The following STIM2 variants were observed in gnomAD, a reference collection of about 807,000 sequenced individuals.
The protein encoded by STIM2 is stromal interaction molecule 2.
STIM2 carries 31 observed loss-of-function variants against 85.8 expected under a neutral mutation model. That is an observed-to-expected ratio of 0.36 (90% confidence interval 0.27 to 0.49). The LOEUF (loss-of-function observed/expected upper bound fraction) is 0.49. Ranked by LOEUF, STIM2 falls within the 20% of genes least tolerant of loss-of-function variation. STIM2 has a pLI of 0.98. For synonymous variants in STIM2, 356 were observed against 331.1 expected (o/e 1.08, Z -0.82); for missense variants, 841 against 927.6 (o/e 0.91, Z 1.21).
intron 2 of STIM2, among the ~76,000 whole-genome samples, chr4:26,952,115 G>C (rs1445419474): frequency 6.6e-6 from 1 of 152,094 alleles, no homozygotes; most frequent in South Asian, 2.1e-4. Context: ...CTCCCACCGG[G>C]TCCCTCCCAC....
chr4:27,000,896 G>A (rs1728129227), intron 5 of STIM2, among the ~76,000 whole-genome samples: 1 of 151,596 alleles, frequency 6.6e-6, no homozygotes, highest in South Asian at 2.1e-4. Flanking sequence ...TGTTATTTAT[G>A]GTCAGAGAAT....
chr4:27,006,724 C>A (rs1348315011), intron 7 of STIM2, among the ~76,000 whole-genome samples: 2 of 152,096 alleles, frequency 1.3e-5, no homozygotes, highest in Non-Finnish European at 2.9e-5. Flanking sequence ...TATTGTCTGG[C>A]TCCATTAAAG....
chr4:26,923,279 A>C (rs1424000488), intron 2 of STIM2, among the ~76,000 whole-genome samples: 2 of 151,496 alleles, frequency 1.3e-5, no homozygotes, highest in African/African-American at 4.9e-5. Flanking sequence ...ATGGGGAAAA[A>C]ACAGAACAGA....
intron 3 of STIM2, among the ~76,000 whole-genome samples, chr4:26,966,625 C>T (rs1726730860): frequency 6.6e-6 from 1 of 151,910 alleles, no homozygotes; most frequent in Non-Finnish European, 1.5e-5. Context: ...TAAAACTTTC[C>T]AAGGTATTAG....
At chr4:26,892,518 T>C (rs748625856) in intron 1 of STIM2, among the ~76,000 whole-genome samples, 15 of 152,162 alleles carry the variant, frequency 9.9e-5, no homozygotes, top group Non-Finnish European at 1.6e-4. Context: ...TTTTAACATA[T>C]GAATTTTTTT....
Position 26,960,844 on chromosome 4 carries a change from A to G in STIM2, c.397+3118A>G, listed in dbSNP as rs150965436. Among the ~76,000 whole-genome samples the G allele has an allele frequency of 5.4e-3, 820 of 152,122 alleles. 9 individuals carry two copies. The highest frequency in any genetic ancestry group is 0.019 in the African/African-American group (778 of 41,500). Reference sequence around the variant, plus strand: ...TCTGGGAGGCCTAGGCGAGCAGAGCACCTGAGGTCAGGAGTTCAAGACCAG... The same window carrying G: ...TCTGGGAGGCCTAGGCGAGCAGAGCGCCTGAGGTCAGGAGTTCAAGACCAG... On this transcript the variant is annotated intron_variant, in intron 3 of 11. Transcript: ENST00000467087.
At chr4:27,014,247 A>C (rs1728657320) in intron 10 of STIM2, among the ~76,000 whole-genome samples, 1 of 151,556 alleles carries the variant, frequency 6.6e-6, no homozygotes, top group African/African-American at 2.4e-5. Flanking sequence ...TATTGTTTTA[A>C]TATTTATACA....
chr4:26,946,630 T>A (rs530275252), intron 2 of STIM2, among the ~76,000 whole-genome samples: 1 of 152,344 alleles, frequency 6.6e-6, no homozygotes, highest in East Asian at 1.9e-4. Flanking sequence ...CTGTGCACTC[T>A]TTTTTTCTGA....
At chr4:26,917,923 C>T (rs1469094839) in intron 1 of STIM2, among the ~76,000 whole-genome samples, 4 of 152,196 alleles carry the variant, frequency 2.6e-5, no homozygotes, top group Non-Finnish European at 5.9e-5. Flanking sequence ...TCCAAACTTA[C>T]GGGCACATCA....
chr4:26,920,307 C>T (rs1022419507), intron 2 of STIM2, among the ~76,000 whole-genome samples: 12 of 152,248 alleles, frequency 7.9e-5, no homozygotes, highest in Admixed American at 6.5e-4. Context: ...GAAGAAGATT[C>T]TACAAAGATA....
intron 2 of STIM2, among the ~76,000 whole-genome samples, chr4:26,930,996 G>T (rs1166102113): frequency 6.6e-6 from 1 of 152,052 alleles, no homozygotes; most frequent in East Asian, 1.9e-4. Context: ...AGCTGGGGTT[G>T]TGTCATCTCA....
At chr4:26,986,927 A>G (rs1302006688) in intron 3 of STIM2, among the ~76,000 whole-genome samples, 1 of 152,254 alleles carries the variant, frequency 6.6e-6, no homozygotes, top group Non-Finnish European at 1.5e-5. Context: ...AGCAGCTTGC[A>G]GTATAGCAGG....
chr4:27,014,126 C>T (rs1728651620), intron 10 of STIM2, among the ~76,000 whole-genome samples: 1 of 151,912 alleles, frequency 6.6e-6, no homozygotes, highest in Non-Finnish European at 1.5e-5. Context: ...CTTTATCAGG[C>T]TGACAGTTTG....
At chr4:26,946,629 CTTTT>C (rs1038951591) in intron 2 of STIM2, among the ~76,000 whole-genome samples, 2 of 152,214 alleles carry the variant, frequency 1.3e-5, no homozygotes, top group Non-Finnish European at 2.9e-5. Context: ...TCTGTGCACT[CTTTT>C]TTTCTGACTT....
chr4:26,931,237 A>G (rs1158376394), intron 2 of STIM2, among the ~76,000 whole-genome samples: 2 of 152,072 alleles, frequency 1.3e-5, no homozygotes, highest in Non-Finnish European at 2.9e-5. Flanking sequence ...TCTTTTTGTG[A>G]CTAATGCTGG....
chr4:26,961,690 G>T (rs889493881), intron 3 of STIM2, among the ~76,000 whole-genome samples: 7 of 152,132 alleles, frequency 4.6e-5, no homozygotes, highest in African/African-American at 1.7e-4. Context: ...TACACAGAAG[G>T]TGGTGTTCGG....
At chr4:26,935,289 C>T (rs569007602) in intron 2 of STIM2, among the ~76,000 whole-genome samples, 1 of 152,256 alleles carries the variant, frequency 6.6e-6, no homozygotes, top group Admixed American at 6.5e-5. Flanking sequence ...CTGAGCATTA[C>T]ATACTTGTTT....
chr4:26,969,900 C>T (rs2109103131), intron 3 of STIM2, among the ~76,000 whole-genome samples: 1 of 152,174 alleles, frequency 6.6e-6, no homozygotes, highest in South Asian at 2.1e-4. Flanking sequence ...CTCTGCATAA[C>T]TGATTGTTCA....
At chr4:26,999,180 A>G in intron 4 of STIM2, 52 bp from the exon 5 acceptor site, 1 of 775,968 alleles carries the variant, frequency 1.3e-6, no homozygotes, top group Non-Finnish European at 1.8e-6. Context: ...TATACTAGAA[A>G]TATTTTCATT....
Sources: allele counts gnomAD v4.1 joint callset (sites outside exome capture counted in the v4.1 genomes callset), GRCh38; gene constraint gnomAD v4.1.1; transcripts MANE v1.5; gene names NCBI Gene and HGNC (gene_info 2026-07-23, HGNC 2026-07-21).